The following SAMMSON variants were observed in gnomAD, a reference collection of about 807,000 sequenced individuals.
SAMMSON encodes survival associated mitochondrial melanoma specific oncogenic non-coding RNA.
chr3:70,283,440 CA>C (rs892032928), intron 6 of SAMMSON, among the ~76,000 whole-genome samples: 1 of 152,040 alleles, frequency 6.6e-6, no homozygotes, highest in African/African-American at 2.4e-5. Context: ...TAGAATTGTT[CA>C]AAGAGCAAGG....
intron 3 of SAMMSON, among the ~76,000 whole-genome samples, chr3:70,032,145 A>G (rs545528114): frequency 6.6e-6 from 1 of 152,188 alleles, no homozygotes; most frequent in Admixed American, 6.6e-5. Flanking sequence ...AGAGCTGCCT[A>G]GAATTAGGAT....
At chr3:70,298,034 A>G (rs564824656) in intron 7 of SAMMSON, among the ~76,000 whole-genome samples, 36 of 152,232 alleles carry the variant, frequency 2.4e-4, no homozygotes, top group African/African-American at 6.0e-4. Context: ...GGTCACATCT[A>G]AGATTGACAA....
intron 2 of SAMMSON, among the ~76,000 whole-genome samples, chr3:70,434,253 T>C (rs1255538009): frequency 2.0e-5 from 3 of 152,218 alleles, no homozygotes; most frequent in African/African-American, 7.2e-5. Context: ...AGACTTCTTA[T>C]CCATATATAT....
At chr3:70,239,657 A>T (rs1270890806) in intron 4 of SAMMSON, among the ~76,000 whole-genome samples, 3 of 152,142 alleles carry the variant, frequency 2.0e-5, no homozygotes, top group Non-Finnish European at 2.9e-5. Context: ...TCTTTGGTCA[A>T]ACAAAGGGAA....
At chr3:70,344,653 C>T (rs543201213) in intron 7 of SAMMSON, among the ~76,000 whole-genome samples, 1 of 152,332 alleles carries the variant, frequency 6.6e-6, no homozygotes, top group Admixed American at 6.5e-5. Flanking sequence ...GTCACAGACA[C>T]CCACCTCTGG....
rs147881849 is a variant in SAMMSON, at chr3:70,254,944, C to T, written n.674+5274C>T. Among the ~76,000 whole-genome samples the T allele has an allele frequency of 2.5e-3, 388 of 152,254 alleles. 1 individual carries two copies. The highest frequency in any genetic ancestry group is 8.8e-3 in the African/African-American group (367 of 41,546). On this transcript the variant is annotated intron_variant and non_coding_transcript_variant, in intron 6 of 9. Coordinates refer to ENST00000642114, the Ensembl canonical transcript of SAMMSON. ...TCCTCTGTAATGGTTTCCTAATATT[C>T]CTATTATGAATGTGCAATAATGTAT...
chr3:70,171,441 C>A (rs1268922971), intron 4 of SAMMSON, among the ~76,000 whole-genome samples: 1 of 151,796 alleles, frequency 6.6e-6, no homozygotes, highest in Non-Finnish European at 1.5e-5. Context: ...TCAGACATAT[C>A]AAACCCATAC....
chr3:70,381,040 C>A (rs805485), intron 9 of SAMMSON, among the ~76,000 whole-genome samples: 52,383 of 151,972 alleles, frequency 0.34, 9,598 homozygotes, highest in Non-Finnish European at 0.4. Flanking sequence ...ATGATTTATA[C>A]TCCTTTGGGT....
chr3:70,046,064 T>C (rs1179685298), intron 3 of SAMMSON, among the ~76,000 whole-genome samples: 2 of 152,130 alleles, frequency 1.3e-5, no homozygotes, highest in African/African-American at 4.8e-5. Context: ...AGGACACTGT[T>C]AGTATTCTGT....
At chr3:70,332,084 C>T (rs1702625307) in intron 7 of SAMMSON, among the ~76,000 whole-genome samples, 2 of 152,178 alleles carry the variant, frequency 1.3e-5, no homozygotes, top group Admixed American at 1.3e-4. Flanking sequence ...GTGGCTTTCT[C>T]TTTCATTGCA....
chr3:70,003,962 CTTTT>C (rs2066916063), intron 1 of SAMMSON, among the ~76,000 whole-genome samples: 1 of 151,794 alleles, frequency 6.6e-6, no homozygotes, highest in Admixed American at 6.6e-5. Flanking sequence ...TATTTACTAT[CTTTT>C]TTCTTTCTTC....
intron 4 of SAMMSON, among the ~76,000 whole-genome samples, chr3:70,089,845 G>C (rs1369366779): frequency 1.3e-5 from 2 of 152,154 alleles, no homozygotes; most frequent in East Asian, 3.9e-4. Flanking sequence ...TTTACAGGTA[G>C]AGTGTGGGAG....
chr3:70,112,825 C>G (rs2067395062), intron 4 of SAMMSON, among the ~76,000 whole-genome samples: 1 of 152,164 alleles, frequency 6.6e-6, no homozygotes. Flanking sequence ...TACAAAGACA[C>G]TTGCTGATAT....
chr3:70,365,970 CTTTTT>C (rs1193657961), intron 9 of SAMMSON, among the ~76,000 whole-genome samples: 1 of 27,764 alleles, frequency 3.6e-5, no homozygotes, highest in Non-Finnish European at 7.3e-5. Context: ...TTTACCTTTT[CTTTTT>C]TTTTTTTTTT....
intron 4 of SAMMSON, among the ~76,000 whole-genome samples, chr3:70,119,875 A>C (rs528958765): frequency 6.6e-6 from 1 of 152,368 alleles, no homozygotes; most frequent in African/African-American, 2.4e-5. Flanking sequence ...TTGAATTGTT[A>C]AAATATCCAT....
At chr3:70,050,942 C>T (rs1040289340) in intron 3 of SAMMSON, among the ~76,000 whole-genome samples, 5 of 151,552 alleles carry the variant, frequency 3.3e-5, no homozygotes, top group Non-Finnish European at 1.5e-5. Context: ...TCAAGACCAG[C>T]CTGGCCAACA....
intron 4 of SAMMSON, among the ~76,000 whole-genome samples, chr3:70,206,356 C>T (rs1434249808): frequency 1.3e-5 from 2 of 152,024 alleles, no homozygotes; most frequent in Non-Finnish European, 2.9e-5. Context: ...CATGTTGCCT[C>T]TGATTCCCAG....
chr3:70,155,493 G>C (rs530992724), intron 4 of SAMMSON, among the ~76,000 whole-genome samples: 2 of 152,092 alleles, frequency 1.3e-5, no homozygotes, highest in Admixed American at 1.3e-4. Context: ...GTACCTGTCT[G>C]GGTATAAAAT....
intron 6 of SAMMSON, among the ~76,000 whole-genome samples, chr3:70,290,763 TGC>T (rs1226142209): frequency 1.3e-5 from 2 of 152,102 alleles, no homozygotes; most frequent in African/African-American, 4.8e-5. Context: ...AATCTCGTGG[TGC>T]GCCGTTTTTT....
Sources: gnomAD v4.1 joint callset for allele counts (sites outside exome capture counted in the v4.1 genomes callset) on GRCh38, gnomAD v4.1.1 for gene constraint, MANE v1.5 for transcripts, NCBI Gene and HGNC (gene_info 2026-07-23, HGNC 2026-07-21) for gene names.